The following SLC9A1 variants were observed in gnomAD, a reference collection of about 807,000 sequenced individuals.
SLC9A1 encodes the protein sodium/hydrogen exchanger 1.
SLC9A1 carries 22 observed loss-of-function variants against 67.9 expected under a neutral mutation model. The ratio of observed to expected loss-of-function variants is 0.32; its 90% CI spans 0.23 to 0.46. The LOEUF (loss-of-function observed/expected upper bound fraction) is 0.46. SLC9A1 is among the 20% of genes least tolerant of loss of function. SLC9A1 has a pLI of 1.00. For missense variants in SLC9A1, 686 were observed against 1,094.8 expected (o/e 0.63, Z 5.27); for synonymous variants, 421 against 471.8 (o/e 0.89, Z 1.40).
chr1:27,117,211 A>G (rs2083277773), intron 1 of SLC9A1, among the ~76,000 whole-genome samples: 1 of 152,100 alleles, frequency 6.6e-6, no homozygotes, highest in African/African-American at 2.4e-5. Flanking sequence ...AGCGCAGCGG[A>G]GATAAGCAGG....
chr1:27,118,866 G>A lies in SLC9A1; in HGVS notation c.353-4580C>T, dbSNP rs114569758. On this transcript the variant is annotated intron_variant, in intron 1 of 11. Transcript: ENST00000263980. This position sits in a 1 kb window ranked among gnomAD's most constrained non-coding sequence, Gnocchi z 4.3. ...CACTCCAAGCCACACAGCCTTCTTC[G>A]AGGACGTCCAGTCCTCCCAGAACAA... 6.3e-3 allele frequency among the ~76,000 whole-genome samples: 952 copies of A among 152,176 alleles called. 12 individuals are homozygous for A. The highest frequency in any genetic ancestry group is 0.021 in the African/African-American group (889 of 41,510).
At chr1:27,128,657 TAAA>T (rs768704005) in intron 1 of SLC9A1, among the ~76,000 whole-genome samples, 3 of 106,722 alleles carry the variant, frequency 2.8e-5, no homozygotes, top group Admixed American at 1.0e-4. Flanking sequence ...ACCCTGTCTT[TAAA>T]AAAAAAAAAA....
intron 1 of SLC9A1, among the ~76,000 whole-genome samples, chr1:27,120,309 A>G (rs2083296480): frequency 6.6e-6 from 1 of 151,842 alleles, no homozygotes. Context: ...TATTTTTAAT[A>G]GAGGAGGGGT....
At position 27,101,013 on chromosome 1, in the gene SLC9A1, C is replaced by T. The variant is rs1018085203; in HGVS notation, c.2110+190G>A. On this transcript the variant is annotated intron_variant, in intron 11 of 11. Coordinates refer to ENST00000263980, the MANE Select transcript of SLC9A1 (RefSeq NM_003047.5). This position sits in a 1 kb window ranked among gnomAD's most constrained non-coding sequence, Gnocchi z 4.9. ...CTCTCCCAGCTCCCCACACAGTCCT[C>T]GCCCGGAACGTCTCTCTCCCTAGGG... Among the ~76,000 whole-genome samples the T allele has an allele frequency of 1.1e-4, 16 of 152,234 alleles. No homozygotes were observed. The highest frequency in any genetic ancestry group is 7.3e-5 in the Non-Finnish European group (5 of 68,038).
chr1:27,142,651 G>A (rs1277542772), intron 1 of SLC9A1, among the ~76,000 whole-genome samples: 3 of 152,328 alleles, frequency 2.0e-5, no homozygotes, highest in African/African-American at 4.8e-5. Context: ...GGTGGCCTGA[G>A]TCACCTACTG....
chr1:27,150,978 T>A lies in SLC9A1; in HGVS notation c.352+3005A>T, dbSNP rs979536998. Among the ~76,000 whole-genome samples the A allele has an allele frequency of 4.4e-4, 67 of 152,094 alleles. 1 individual carries two copies. The highest frequency in any genetic ancestry group is 1.5e-3 in the African/African-American group (62 of 41,402). ...GAATAGGCAAGACCCCAAAATCAGCTCCCAGGCTCTTGGGTATCTGAGAGT... is the reference window on the plus strand; with the variant it reads ...GAATAGGCAAGACCCCAAAATCAGCACCCAGGCTCTTGGGTATCTGAGAGT... On this transcript the variant is annotated intron_variant, in intron 1 of 11. Transcript: ENST00000263980.
chr1:27,143,046 T>TAAAAAAAAAAAAAAA (rs55970751), intron 1 of SLC9A1, among the ~76,000 whole-genome samples: 1 of 98,462 alleles, frequency 1.0e-5, no homozygotes. Context: ...ATCAACTGTG[T>TAAAAAAAAAAAAAAA]AAAAAAAAAA....
Position 27,101,963 on chromosome 1 carries a change from G to A in SLC9A1, c.1935+53C>T. The A allele has an allele frequency of 6.7e-7, 1 of 1,486,456 alleles. No individual in the cohort carries two copies. Among genetic ancestry groups the A allele is most frequent in the Non-Finnish European group, 9.4e-7 (1 of 1,066,328 alleles). The allele number at this position is 1,486,456 out of a possible 1,614,324, so 92.1% of individuals were successfully genotyped here. A position where few individuals can be genotyped will look rare whatever the true frequency, so the allele number is the denominator to read the frequency against. The stretch of plus-strand genomic sequence containing the variant: ...GGGCAGGGCAGGGCTGCCGTAGAGA[G>A]GGGCTGAAGGGCTCCTGTACCCTGG... On this transcript the variant is annotated intron_variant, in intron 9 of 11. Coordinates refer to ENST00000263980, the MANE Select transcript of SLC9A1 (RefSeq NM_003047.5). This position sits in a 1 kb window ranked among gnomAD's most constrained non-coding sequence, Gnocchi z 4.9.
chr1:27,140,223 A>G (rs1188941176), intron 1 of SLC9A1, among the ~76,000 whole-genome samples: 1 of 152,054 alleles, frequency 6.6e-6, no homozygotes, highest in African/African-American at 2.4e-5. Context: ...TTCACAGCAC[A>G]TCACAAGTGC....
rs1290710074 is a variant in SLC9A1 at position 27,106,489 on chromosome 1, G to C, written c.1283-402C>G. Among the ~76,000 whole-genome samples, 1 of 152,136 alleles carries C rather than the reference G, an allele frequency of 6.6e-6. No homozygotes were observed. The highest frequency in any genetic ancestry group is 1.5e-5 in the Non-Finnish European group (1 of 68,022). The stretch of plus-strand genomic sequence containing the variant: ...TCCATAATAAAGCATAAAAAATGCA[G>C]AGGGCTGGGCCCAACCTCCACCCAC... On this transcript the variant is annotated intron_variant, in intron 4 of 11. Transcript: ENST00000263980. The surrounding 1 kb of genome is among the most constrained non-coding windows in gnomAD (Gnocchi z 4.3).
chr1:27,149,050 C>T (rs1006597033), intron 1 of SLC9A1, among the ~76,000 whole-genome samples: 20 of 152,192 alleles, frequency 1.3e-4, no homozygotes, highest in African/African-American at 4.8e-4. Context: ...CAGGTGCATC[C>T]AAGAAGACTC....
Position 27,100,351 on chromosome 1 carries a change from G to T in SLC9A1, c.2404C>A (p.Pro802Thr). The T allele has an allele frequency of 6.4e-7, 1 of 1,552,342 alleles. No individual in the cohort carries two copies. Among genetic ancestry groups the T allele is most frequent in the Non-Finnish European group, 8.7e-7 (1 of 1,148,416 alleles). ...QRCLSDPGPH[P>T]EPGEGEPFFP... ...AACGGTTCTCCCTCCCCAGGCTCAGGGTGTGGGCCTGGGTCACTGAGGCAG... is the reference window on the plus strand; with the variant it reads ...AACGGTTCTCCCTCCCCAGGCTCAGTGTGTGGGCCTGGGTCACTGAGGCAG... The change falls in exon 12 of 12, where the codon CCT (proline) becomes ACT (threonine). Residue 802 changes from proline to threonine, a missense_variant. By Grantham distance (38) the Pro-to-Thr change is conservative (BLOSUM62 -1). This residue lies in a region of SLC9A1 where 226 missense variants were observed against 282.4 expected (regional missense o/e 0.80). Transcript: ENST00000263980. The surrounding 1 kb of genome is among the most constrained non-coding windows in gnomAD (Gnocchi z 5.6).
chr1:27,152,289 C>T (rs1269689512), intron 1 of SLC9A1, among the ~76,000 whole-genome samples: 1 of 152,160 alleles, frequency 6.6e-6, no homozygotes, highest in Admixed American at 6.5e-5. Flanking sequence ...GCTGTCATCC[C>T]ACCAGCAGCC....
rs570559546 is a variant in SLC9A1 at position 27,100,407 on chromosome 1, C to T, written c.2348G>A (p.Ser783Asn). The change falls in exon 12 of 12, where the codon AGT becomes AAT. Residue 783 changes from serine to asparagine, a missense_variant. Ser to Asn is a conservative substitution (Grantham distance 46, BLOSUM62 1). Around this residue, in one of 7 missense-constraint regions of SLC9A1, gnomAD observed 226 missense variants for 282.4 expected, o/e 0.80. Transcript: ENST00000263980. This position sits in a 1 kb window ranked among gnomAD's most constrained non-coding sequence, Gnocchi z 5.6. ...TATCCTCTGGGAGCTGGGGCTGTCA[C>T]TGGGCGCGGGGGTGAAGACATCGTC... is the stretch of plus-strand genomic sequence containing the variant. Reference protein sequence around the residue: ...GTDDVFTPAPSDSPSSQRIQR... With the variant: ...GTDDVFTPAPNDSPSSQRIQR... 6.2e-7 allele frequency: 1 copy of T among 1,605,468 alleles called. No individual in the cohort carries two copies. Among genetic ancestry groups the T allele is most frequent in the Non-Finnish European group, 8.5e-7 (1 of 1,175,326 alleles).
intron 5 of SLC9A1, chr1:27,103,524 A>T: frequency 1.7e-6 from 1 of 578,362 alleles, no homozygotes; most frequent in South Asian, 2.0e-5. Context: ...ACACGGTCAG[A>T]GGTTTCACTG....
intron 5 of SLC9A1, chr1:27,103,682 C>A: frequency 3.5e-6 from 1 of 285,578 alleles, no homozygotes; most frequent in Non-Finnish European, 6.9e-6. Context: ...TGCCTCCCCA[C>A]CAGGACTGTG....
intron 1 of SLC9A1, among the ~76,000 whole-genome samples, chr1:27,126,039 C>T (rs1217188099): frequency 6.6e-6 from 1 of 152,174 alleles, no homozygotes; most frequent in African/African-American, 2.4e-5. Context: ...AACATGCCCC[C>T]ACCTCAGGGC....
chr1:27,134,979 TG>T (rs2083410151), intron 1 of SLC9A1, among the ~76,000 whole-genome samples: 9 of 152,080 alleles, frequency 5.9e-5, no homozygotes, highest in African/African-American at 2.2e-4. Context: ...TCAGGTGATC[TG>T]CCTGCCTCGG....
At chr1:27,108,484 C>T (rs1441561342) in intron 3 of SLC9A1, among the ~76,000 whole-genome samples, 3 of 152,056 alleles carry the variant, frequency 2.0e-5, no homozygotes, top group Non-Finnish European at 4.4e-5. Flanking sequence ...TCGAGACCAG[C>T]TTGGCCAATG....
Sources: allele counts gnomAD v4.1 joint callset (sites outside exome capture counted in the v4.1 genomes callset), GRCh38; gene constraint gnomAD v4.1.1; regional missense constraint gnomAD v4.1.1; non-coding constraint Gnocchi (gnomAD v3.1); transcripts MANE v1.5; gene names NCBI Gene and HGNC (gene_info 2026-07-23, HGNC 2026-07-21).